Variants in CDX1 observed in about 807,000 individuals in gnomAD.
CDX1 encodes the protein caudal type homeobox 1.
Under a neutral mutation model 16.9 loss-of-function variants are expected in CDX1, and 9 were observed. The observed-to-expected ratio is 0.53, with a 90% confidence interval of 0.32 to 0.93. CDX1 has a LOEUF of 0.93. Ranked by LOEUF, CDX1 falls within the 40% of genes least tolerant of loss-of-function variation. The pLI is 0.04. For missense variants in CDX1, 393 were observed against 386.1 expected, an observed-to-expected ratio of 1.02 and a Z score of -0.15; for synonymous variants, 179 against 179.0, an observed-to-expected ratio of 1.00 and a Z score of 0.00.
intron 1 of CDX1, among the ~76,000 whole-genome samples, chr5:150,176,899 T>C (rs1761575853): frequency 6.6e-6 from 1 of 152,188 alleles, no homozygotes; most frequent in African/African-American, 2.4e-5. Flanking sequence ...TGCATGTGTG[T>C]GTTGGGGTTA....
chr5:150,177,002 C>T (rs1761577328), intron 1 of CDX1, among the ~76,000 whole-genome samples: 1 of 152,186 alleles, frequency 6.6e-6, no homozygotes, highest in South Asian at 2.1e-4. Flanking sequence ...CCTTGGGGGG[C>T]CAAAGCTGGT....
intron 1 of CDX1, 78 bp downstream of exon 1, chr5:150,167,399 T>A: frequency 9.6e-7 from 1 of 1,039,262 alleles, no homozygotes; most frequent in Non-Finnish European, 1.2e-6. Flanking sequence ...CTGTCTGACC[T>A]CTGCTCCGGC....
At position 150,167,041 on chromosome 5, in the gene CDX1, C is replaced by A; in HGVS notation, c.165C>A (p.Pro55=). Residue 55 remains proline, a synonymous_variant, in exon 1 of 3, where the codon CCC becomes CCA. Coordinates refer to ENST00000231656, the MANE Select transcript of CDX1 (RefSeq NM_001804.3). ...FSSYSHVEPA[P]APPTAWGAPF... The stretch of plus-strand genomic sequence containing the variant: ...GCTACTCTCACGTGGAGCCGGCCCC[C>A]GCGCCCCCGACGGCCTGGGGGGCGC... 1.4e-6 allele frequency: 2 copies of A among 1,432,942 alleles called. No homozygotes were observed. The highest frequency in any genetic ancestry group is 1.4e-5 in the South Asian group (1 of 70,460). 88.8% of individuals were successfully genotyped at this position (1,432,942 alleles called of 1,614,324 possible).
At chr5:150,177,406 T>G (rs1761581750) in intron 1 of CDX1, among the ~76,000 whole-genome samples, 1 of 152,220 alleles carries the variant, frequency 6.6e-6, no homozygotes, top group Admixed American at 6.5e-5. Flanking sequence ...ATGAGTAAGA[T>G]CTGCCCTTCC....
At chr5:150,180,962 C>T (rs1752400868) in intron 1 of CDX1, among the ~76,000 whole-genome samples, 1 of 152,196 alleles carries the variant, frequency 6.6e-6, no homozygotes, top group South Asian at 2.1e-4. Flanking sequence ...CCCTGCACTT[C>T]CCCTTCCTCT....
At position 150,166,869 on chromosome 5, in the gene CDX1, C is replaced by T. The variant is rs780778197; in HGVS notation, c.-8C>T. 1.3e-5 allele frequency: 19 copies of T among 1,476,890 alleles called. No individual in the cohort carries two copies. The East Asian group carries it at 4.9e-4, about 38-fold the overall frequency. 91.5% of individuals were successfully genotyped at this position (1,476,890 alleles called of 1,614,324 possible). ...GGCCCAGCATGCGCGGGGGACCCCG[C>T]GGCCACCATGTATGTGGGCTATGTG... On this transcript the variant is annotated 5_prime_UTR_variant, in exon 1 of 3. Transcript: ENST00000231656.
chr5:150,179,156 G>T (rs995516510), intron 1 of CDX1, among the ~76,000 whole-genome samples: 1 of 152,186 alleles, frequency 6.6e-6, no homozygotes, highest in African/African-American at 2.4e-5. Flanking sequence ...TCTCACTCCT[G>T]GAACAGCATA....
At position 150,166,936 on chromosome 5, in the gene CDX1, A is replaced by C. The variant is rs766211354; in HGVS notation, c.60A>C (p.Pro20=). 2.2e-5 allele frequency: 33 copies of C among 1,506,066 alleles called. No individual in the cohort carries two copies. The highest frequency in any genetic ancestry group is 2.9e-5 in the Non-Finnish European group (33 of 1,134,548). The allele number at this position is 1,506,066 out of a possible 1,614,324, so 93.3% of individuals were successfully genotyped here. A position where few individuals can be genotyped will look rare whatever the true frequency, so the allele number is the denominator to read the frequency against. ...DSPVYPGPAR[P]ASLGLGPQAY... is the part of the protein sequence containing the mutation. ...CCGTGTACCCCGGCCCAGCCAGGCC[A>C]GCCAGCCTCGGCCTGGGCCCGCAAG... Residue 20 remains proline (P), a synonymous_variant, in exon 1 of 3, where the codon CCA becomes CCC. Coordinates refer to ENST00000231656, the MANE Select transcript of CDX1 (RefSeq NM_001804.3).
chr5:150,181,576 G>A (rs1580841856), intron 1 of CDX1, among the ~76,000 whole-genome samples: 1 of 152,060 alleles, frequency 6.6e-6, no homozygotes, highest in African/African-American at 2.4e-5. Context: ...ACCGCGCCTG[G>A]CCCTACATGA....
At chr5:150,168,947 T>C (rs543493606) in intron 1 of CDX1, among the ~76,000 whole-genome samples, 6 of 152,346 alleles carry the variant, frequency 3.9e-5, no homozygotes, top group African/African-American at 1.4e-4. Context: ...GCTTTATCCA[T>C]AAATCCGGGG....
At chr5:150,168,794 T>C (rs573863350) in intron 1 of CDX1, among the ~76,000 whole-genome samples, 3 of 152,354 alleles carry the variant, frequency 2.0e-5, no homozygotes, top group East Asian at 1.9e-4. Flanking sequence ...TCAGTTCTAC[T>C]GTCTGTGAAA....
rs1346183982 is a variant in CDX1 at position 150,183,606 on chromosome 5, G to T, written c.724G>T (p.Gly242Cys). 1 of 1,609,472 alleles carries T rather than the reference G, an allele frequency of 6.2e-7. No homozygotes were observed. Among genetic ancestry groups the T allele is most frequent in the Non-Finnish European group, 8.5e-7 (1 of 1,177,018 alleles). ...CACCCCAGCCGGGCCATCCCTGGGG[G>T]GCCTGTGTCCCAGCAACACCAGCCT... ...TATPAGPSLG[G>C]LCPSNTSLLA... The change falls in exon 3 of 3, where the codon GGC (glycine) becomes TGC (cysteine). Residue 242 changes from glycine (G) to cysteine (C), a missense_variant. Coordinates refer to ENST00000231656, the MANE Select transcript of CDX1 (RefSeq NM_001804.3).
chr5:150,168,356 G>C (rs1462911363), intron 1 of CDX1, among the ~76,000 whole-genome samples: 1 of 152,222 alleles, frequency 6.6e-6, no homozygotes, highest in Admixed American at 6.5e-5. Context: ...GGCAGATGCT[G>C]GGTTGGCCTT....
intron 1 of CDX1, among the ~76,000 whole-genome samples, chr5:150,177,603 G>A (rs1327817169): frequency 6.6e-6 from 1 of 152,180 alleles, no homozygotes; most frequent in Admixed American, 6.5e-5. Flanking sequence ...CTGACCCTGA[G>A]TTTTCTCATC....
chr5:150,173,382 G>A (rs1296252843), intron 1 of CDX1, among the ~76,000 whole-genome samples: 1 of 152,162 alleles, frequency 6.6e-6, no homozygotes, highest in Non-Finnish European at 1.5e-5. Flanking sequence ...GGGGGCCTTT[G>A]TACCTACTGC....
In CDX1 at chr5:150,167,134, C is replaced by A; in HGVS notation, c.258C>A (p.Ser86Arg). Residue 86 changes from serine to arginine, a missense_variant, in exon 1 of 3, where the codon AGC becomes AGA. Coordinates refer to ENST00000231656, the MANE Select transcript of CDX1 (RefSeq NM_001804.3). ...CGGGCCCCGCGGCCCCTGCCGCCAGCCCAGCTTCGCTGGCATTCGGGCCCC... is the reference window on the plus strand; with the variant it reads ...CGGGCCCCGCGGCCCCTGCCGCCAGACCAGCTTCGCTGGCATTCGGGCCCC... ...YGPGPAAPAA[S>R]PASLAFGPPP... 1 of 1,326,238 alleles carries A rather than the reference C, an allele frequency of 7.5e-7. No individual in the cohort carries two copies. The highest frequency in any genetic ancestry group is 2.1e-5 in the South Asian group (1 of 46,742). The allele number at this position is 1,326,238 out of a possible 1,614,324, so 82.2% of individuals were successfully genotyped here. A position where few individuals can be genotyped will look rare whatever the true frequency, so the allele number is the denominator to read the frequency against.
At chr5:150,176,112 C>A (rs936600684) in intron 1 of CDX1, among the ~76,000 whole-genome samples, 1 of 152,172 alleles carries the variant, frequency 6.6e-6, no homozygotes, top group Admixed American at 6.5e-5. Context: ...TTTCCCAAAC[C>A]TCAGTAGAGT....
At chr5:150,182,038 G>A (rs949465103) in intron 1 of CDX1, among the ~76,000 whole-genome samples, 26 of 152,108 alleles carry the variant, frequency 1.7e-4, no homozygotes, top group Admixed American at 1.7e-3. Flanking sequence ...GGGTCCAGCA[G>A]CAGCCCCAGT....
At chr5:150,176,314 C>G (rs746937771) in intron 1 of CDX1, among the ~76,000 whole-genome samples, 2 of 152,248 alleles carry the variant, frequency 1.3e-5, no homozygotes, top group Non-Finnish European at 2.9e-5. Context: ...TATAAGCTCT[C>G]TGGACTTGCT....
Sources: allele counts gnomAD v4.1 joint callset (sites outside exome capture counted in the v4.1 genomes callset), GRCh38; gene constraint gnomAD v4.1.1; transcripts MANE v1.5; gene names NCBI Gene and HGNC (gene_info 2026-07-23, HGNC 2026-07-21).